Variants in SLC23A2 observed in about 807,000 individuals in gnomAD.
SLC23A2 encodes the protein solute carrier family 23 member 2.
In SLC23A2, 36 loss-of-function variants were observed where a neutral mutation model predicts 73.3. That is an observed-to-expected ratio of 0.49 (90% CI 0.38 to 0.65). SLC23A2 has a LOEUF of 0.65. Among genes scored for constraint, SLC23A2 ranks in the 30% least tolerant of loss-of-function variants. The pLI is 0.00. For missense variants in SLC23A2, 507 were observed against 841.6 expected, an observed-to-expected ratio of 0.60 and a Z score of 4.92; for synonymous variants, 343 against 327.3, an observed-to-expected ratio of 1.05 and a Z score of -0.52.
chr20:4,894,155 C>T (rs79785916), intron 6 of SLC23A2, among the ~76,000 whole-genome samples: 9,571 of 152,152 alleles, frequency 0.063, 705 homozygotes, highest in African/African-American at 0.18. Context: ...GTTGAAACCT[C>T]GCTCAGGGGA....
At chr20:4,909,824 T>C (rs1389810847) in intron 4 of SLC23A2, among the ~76,000 whole-genome samples, 2 of 152,092 alleles carry the variant, frequency 1.3e-5, no homozygotes, top group African/African-American at 4.8e-5. Context: ...CCCAAAGTGC[T>C]GGCATTACAT....
chr20:4,990,991 AC>A (rs749636361), intron 1 of SLC23A2, among the ~76,000 whole-genome samples: 17 of 151,020 alleles, frequency 1.1e-4, no homozygotes, highest in African/African-American at 2.4e-4. Flanking sequence ...AAAAAAAAAA[AC>A]AACCCACAGC....
chr20:4,995,295 A>G (rs989919860), intron 1 of SLC23A2, among the ~76,000 whole-genome samples: 2 of 152,134 alleles, frequency 1.3e-5, no homozygotes, highest in African/African-American at 4.8e-5. Flanking sequence ...ACAGGCAAAC[A>G]AGGCAGGAGC....
At position 4,855,472 on chromosome 20, in the gene SLC23A2, TCAAAC is replaced by T. The variant is rs1372121331; in HGVS notation, c.*1495_*1499del. The T allele has an allele frequency of 4.6e-5, 7 of 152,238 alleles. No individual in the cohort carries two copies. The highest frequency in any genetic ancestry group is 7.3e-5 in the Non-Finnish European group (5 of 68,048). 9.4% of individuals were successfully genotyped at this position (152,238 alleles called of 1,614,324 possible). ...AGGCCTTTTCCTTCACTGAAAAACTTCAAACCAAACCAAGAGGAGTCATTTCTCAG... is the reference window on the plus strand; with the variant it reads ...AGGCCTTTTCCTTCACTGAAAAACTTCAAACCAAGAGGAGTCATTTCTCAG... On this transcript the variant is annotated 3_prime_UTR_variant, in exon 17 of 17. Transcript: ENST00000338244.
intron 2 of SLC23A2, among the ~76,000 whole-genome samples, chr20:4,943,961 G>A (rs1002346170): frequency 6.6e-6 from 1 of 152,124 alleles, no homozygotes; most frequent in Non-Finnish European, 1.5e-5. Flanking sequence ...ACCATTCTAC[G>A]GGAAGCGGAG....
At chr20:5,008,537 A>G (rs2088215089) in intron 1 of SLC23A2, among the ~76,000 whole-genome samples, 1 of 152,044 alleles carries the variant, frequency 6.6e-6, no homozygotes, top group African/African-American at 2.4e-5. Context: ...ATGACCCCAA[A>G]TTCCTTACCT....
intron 3 of SLC23A2, among the ~76,000 whole-genome samples, chr20:4,917,851 G>C (rs979092218): frequency 6.6e-6 from 1 of 152,170 alleles, no homozygotes; most frequent in Non-Finnish European, 1.5e-5. Flanking sequence ...CTATTTACGT[G>C]CAGGGGGCTG....
chr20:4,931,595 A>G (rs1932791469), intron 3 of SLC23A2, among the ~76,000 whole-genome samples: 1 of 152,042 alleles, frequency 6.6e-6, no homozygotes, highest in South Asian at 2.1e-4. Context: ...CATCTCTACA[A>G]AAAGTAGAAA....
At chr20:4,981,527 G>GT (rs1050995318) in intron 1 of SLC23A2, among the ~76,000 whole-genome samples, 26 of 152,286 alleles carry the variant, frequency 1.7e-4, no homozygotes, top group African/African-American at 5.5e-4. Flanking sequence ...AGCATCCGTA[G>GT]TTTTTTAAAG....
At chr20:4,884,715 C>A in intron 8 of SLC23A2, 38 bp downstream of exon 8, 1 of 1,454,664 alleles carries the variant, frequency 6.9e-7, no homozygotes, top group Non-Finnish European at 9.7e-7. Flanking sequence ...TGAGAAGAAA[C>A]ATGAAGAAGC....
At chr20:4,985,558 C>T (rs576820102) in intron 1 of SLC23A2, among the ~76,000 whole-genome samples, 155 of 152,200 alleles carry the variant, frequency 1.0e-3, no homozygotes, top group African/African-American at 3.6e-3. Context: ...AGCAATACCC[C>T]CACCTCAGCC....
In SLC23A2 at chr20:4,868,449, T is replaced by C. The variant is rs1930294778; in HGVS notation, c.1251-574A>G. 1.3e-5 allele frequency among the ~76,000 whole-genome samples: 2 copies of C among 152,164 alleles called. No individual in the cohort carries two copies. Among genetic ancestry groups the C allele is most frequent in the South Asian group, 2.1e-4 (1 of 4,828 alleles). ...ACATCTCTAAATCACACGTTAGATTTGAGTGTTTTTAAATCACCGCAAATG... is the reference window on the plus strand; with the variant it reads ...ACATCTCTAAATCACACGTTAGATTCGAGTGTTTTTAAATCACCGCAAATG... On this transcript the variant is annotated intron_variant, in intron 12 of 16. Coordinates refer to ENST00000338244, the MANE Select transcript of SLC23A2 (RefSeq NM_005116.6). The surrounding 1 kb of genome is among the most constrained non-coding windows in gnomAD (Gnocchi z 4.4).
At chr20:4,869,873 A>G in intron 12 of SLC23A2, 33 bp downstream of exon 12, 1 of 1,592,334 alleles carries the variant, frequency 6.3e-7, no homozygotes, top group Non-Finnish European at 8.6e-7. Flanking sequence ...AGGTGCTGGG[A>G]CCAATCAGGA....
chr20:4,931,772 A>T (rs1041614503), intron 3 of SLC23A2, among the ~76,000 whole-genome samples: 1 of 152,200 alleles, frequency 6.6e-6, no homozygotes, highest in African/African-American at 2.4e-5. Flanking sequence ...TTGTCTCAAA[A>T]AAAAGAAAAA....
At chr20:4,909,944 G>A (rs898899396) in intron 4 of SLC23A2, among the ~76,000 whole-genome samples, 1 of 152,160 alleles carries the variant, frequency 6.6e-6, no homozygotes, top group African/African-American at 2.4e-5. Context: ...TATGATAATT[G>A]CAACTAAGCA....
At chr20:4,879,907 T>G (rs1930816153) in intron 9 of SLC23A2, among the ~76,000 whole-genome samples, 1 of 152,242 alleles carries the variant, frequency 6.6e-6, no homozygotes, top group Non-Finnish European at 1.5e-5. Flanking sequence ...TGGACAGGGC[T>G]GGATACTAAG....
At chr20:4,944,444 G>A (rs1053905775) in intron 2 of SLC23A2, among the ~76,000 whole-genome samples, 4 of 151,992 alleles carry the variant, frequency 2.6e-5, no homozygotes, top group Non-Finnish European at 5.9e-5. Context: ...TCACCATCTT[G>A]GCCAGGCTGG....
In SLC23A2 at chr20:4,856,314, T is replaced by C. The variant is rs1385015114; in HGVS notation, c.*658A>G. 3.3e-5 allele frequency: 5 copies of C among 152,292 alleles called. No homozygotes were observed. Among genetic ancestry groups the C allele is most frequent in the African/African-American group, 7.2e-5 (3 of 41,436 alleles). The allele number at this position is 152,292 out of a possible 1,614,324, so 9.4% of individuals were successfully genotyped here. A position where few individuals can be genotyped will look rare whatever the true frequency, so the allele number is the denominator to read the frequency against. The stretch of plus-strand genomic sequence containing the variant: ...AGAAGGTGCAGCCGAGAATCAGATA[T>C]TGGCTTCAGGGTCCTTTCCTTTTCC... On this transcript the variant is annotated 3_prime_UTR_variant, in exon 17 of 17. Transcript: ENST00000338244. This position sits in a 1 kb window ranked among gnomAD's most constrained non-coding sequence, Gnocchi z 4.6.
intron 1 of SLC23A2, among the ~76,000 whole-genome samples, chr20:4,994,692 C>T (rs1472946797): frequency 5.9e-5 from 9 of 151,738 alleles, no homozygotes; most frequent in Admixed American, 5.3e-4. Context: ...ACCCATGAGG[C>T]GGAGGTTTCA....
Sources: allele counts gnomAD v4.1 joint callset (sites outside exome capture counted in the v4.1 genomes callset), GRCh38; gene constraint gnomAD v4.1.1; non-coding constraint Gnocchi (gnomAD v3.1); transcripts MANE v1.5; gene names NCBI Gene and HGNC (gene_info 2026-07-23, HGNC 2026-07-21).